ZNF528: variants seen among roughly 807,000 people sequenced by gnomAD.
ZNF528 encodes the protein zinc finger protein 528.
In ZNF528, 9 loss-of-function variants were observed where a neutral mutation model predicts 13.3. The ratio of observed to expected loss-of-function variants is 0.67; its 90% CI spans 0.41 to 1.18. The LOEUF (loss-of-function observed/expected upper bound fraction) is 1.18, where lower values mean the gene tolerates loss of function less well. Ranked by LOEUF, ZNF528 falls within the 50% of genes most tolerant of loss-of-function variation. The probability of loss-of-function intolerance (pLI) is 0.01; values close to 1 mark genes in which losing one functional copy is unlikely to be tolerated. For synonymous variants in ZNF528, 264 were observed against 254.3 expected (o/e 1.04, Z -0.36); for missense variants, 858 against 745.4 (o/e 1.15, Z -1.76).
chr19:52,402,486 T>C, intron 4 of ZNF528: 1 of 169,078 alleles, frequency 5.9e-6, no homozygotes, highest in Non-Finnish European at 1.3e-5. Flanking sequence ...CATTGCAACC[T>C]CCGCCTCCCT....
At chr19:52,403,538 TAGA>T (rs2058819591) in intron 4 of ZNF528, among the ~76,000 whole-genome samples, 1 of 151,518 alleles carries the variant, frequency 6.6e-6, no homozygotes, top group African/African-American at 2.4e-5. Flanking sequence ...CGCACATCTG[TAGA>T]CCCAGCTACT....
rs923424952 is a variant in ZNF528 at position 52,417,072 on chromosome 19, C to T, written c.*333C>T. 3.3e-5 allele frequency: 9 copies of T among 276,224 alleles called. No homozygotes were observed. The highest frequency in any genetic ancestry group is 1.9e-4 in the African/African-American group (9 of 46,266). 17.1% of individuals were successfully genotyped at this position (276,224 alleles called of 1,614,324 possible). A position where few individuals can be genotyped will look rare whatever the true frequency, so the allele number is the denominator to read the frequency against. The stretch of plus-strand genomic sequence containing the variant: ...AGTCAAAATATGTTGAATCTCATGA[C>T]CTGATGTATATCAAAGGTGCAACGG... On this transcript the variant is annotated 3_prime_UTR_variant, in exon 7 of 7. Transcript: ENST00000360465.
In ZNF528 at chr19:52,415,966, C is replaced by T. The variant is rs771171104; in HGVS notation, c.1114C>T (p.Gln372Ter). 39 of 1,613,928 alleles carry T rather than the reference C, an allele frequency of 2.4e-5. No homozygotes were observed. Among genetic ancestry groups the T allele is most frequent in the Non-Finnish European group, 3.0e-5 (35 of 1,179,996 alleles). Reference sequence around the variant, plus strand: ...AGTGCGTTCCAGCCTCATAACCCATCAGTTAATTCACACTGGAAGGAAACC... The same window carrying T: ...AGTGCGTTCCAGCCTCATAACCCATTAGTTAATTCACACTGGAAGGAAACC... ...FSVRSSLITH[Q>*]LIHTGRKPYK... is the part of the protein sequence containing the mutation. Residue 372 changes from glutamine (Q) to a stop codon, truncating the protein, a stop_gained, in exon 7 of 7, where the codon CAG (glutamine) becomes TAG (stop). Coordinates refer to ENST00000360465, the MANE Select transcript of ZNF528 (RefSeq NM_032423.3). LOFTEE classifies it low-confidence loss of function (END_TRUNC).
rs34244828 is a variant in ZNF528, at chr19:52,401,662, C to CTTTT, written c.-136-6_-136-3dup. The CTTTT allele has an allele frequency of 4.2e-4, 381 of 906,506 alleles. 1 individual carries two copies. The highest frequency in any genetic ancestry group is 1.5e-3 in the East Asian group (21 of 14,250). The allele number at this position is 906,506 out of a possible 1,614,324, so 56.2% of individuals were successfully genotyped here. Reference sequence around the variant, plus strand: ...CAGTTTATTACCACATGAAGAATTGCTTTTTTTTTTTTTTTTTTTTAGGTT... The same window carrying CTTTT: ...CAGTTTATTACCACATGAAGAATTGCTTTTTTTTTTTTTTTTTTTTTTTTAGGTT... On this transcript the variant is annotated intron_variant, in intron 2 of 6. Coordinates refer to ENST00000360465, the MANE Select transcript of ZNF528 (RefSeq NM_032423.3).
rs2058802243 is a variant in ZNF528 at position 52,402,164 on chromosome 19, C to G, written c.15+136C>G. On this transcript the variant is annotated intron_variant, in intron 4 of 6. Coordinates refer to ENST00000360465, the MANE Select transcript of ZNF528 (RefSeq NM_032423.3). ...CACTTACCCATGGCTTCTTCCAGTCCCTTCATTTCCGCTTGAGATTTCAGT... is the reference window on the plus strand; with the variant it reads ...CACTTACCCATGGCTTCTTCCAGTCGCTTCATTTCCGCTTGAGATTTCAGT... The G allele has an allele frequency of 4.0e-6, 5 of 1,248,524 alleles. No homozygotes were observed. The East Asian group carries it at 1.2e-4, about 31-fold the overall frequency. The allele number at this position is 1,248,524 out of a possible 1,614,324, so 77.3% of individuals were successfully genotyped here.
rs2058756146 is a variant in ZNF528, at chr19:52,398,631, G to C, written c.-137+12G>C. 1.0e-6 allele frequency: 1 copy of C among 984,826 alleles called. No individual in the cohort carries two copies. Among genetic ancestry groups the C allele is most frequent in the South Asian group, 4.7e-5 (1 of 21,278 alleles). The allele number at this position is 984,826 out of a possible 1,614,324, so 61.0% of individuals were successfully genotyped here. ...AGGCAAAGTAGAAGGTGAGTGAGGG[G>C]TTTGCAGAGGCACAGTGAAAGAAGG... On this transcript the variant is annotated intron_variant, in intron 2 of 6. Coordinates refer to ENST00000360465, the MANE Select transcript of ZNF528 (RefSeq NM_032423.3).
At chr19:52,403,477 A>C (rs1404847604) in intron 4 of ZNF528, among the ~76,000 whole-genome samples, 3 of 152,082 alleles carry the variant, frequency 2.0e-5, no homozygotes, top group Admixed American at 2.0e-4. Context: ...CATGACCAAC[A>C]TAGTGAAACC....
intron 4 of ZNF528, among the ~76,000 whole-genome samples, chr19:52,405,639 TCTA>T (rs753268087): frequency 3.3e-5 from 5 of 149,952 alleles, no homozygotes; most frequent in African/African-American, 4.9e-5. Flanking sequence ...ACCTAACACT[TCTA>T]TAGAGAGAGA....
intron 2 of ZNF528, among the ~76,000 whole-genome samples, chr19:52,400,581 G>A (rs1031703447): frequency 2.6e-5 from 4 of 152,052 alleles, no homozygotes; most frequent in African/African-American, 9.7e-5. Context: ...GCATGCAGTG[G>A]CACAGTCATA....
rs2058975247 is a variant in ZNF528 at position 52,414,576 on chromosome 19, A to T, written c.272-548A>T. ...GTCCCAGTAGATAATTTCAATGAGC[A>T]TGGCACCAGGGAGTGATTACCTTCA... On this transcript the variant is annotated intron_variant, in intron 6 of 6. Coordinates refer to ENST00000360465, the MANE Select transcript of ZNF528 (RefSeq NM_032423.3). 6.3e-6 allele frequency: 3 copies of T among 476,938 alleles called. No homozygotes were observed. In the Admixed American group the frequency reaches 1.1e-4, roughly 17 times the overall value. 29.5% of individuals were successfully genotyped at this position (476,938 alleles called of 1,614,324 possible). A position where few individuals can be genotyped will look rare whatever the true frequency, so the allele number is the denominator to read the frequency against.
At position 52,417,947 on chromosome 19, in the gene ZNF528, A is replaced by G. The variant is rs1487800129; in HGVS notation, c.*1208A>G. ...TTGAAATGGAATAGAGAACAGTTAT[A>G]TCACAGTTGAGAGTTTAATCAAAAT... On this transcript the variant is annotated 3_prime_UTR_variant, in exon 7 of 7. Transcript: ENST00000360465. The G allele has an allele frequency of 6.6e-6, 1 of 151,960 alleles. No individual in the cohort carries two copies. The highest frequency in any genetic ancestry group is 2.4e-5 in the African/African-American group (1 of 41,350). The allele number at this position is 151,960 out of a possible 1,614,324, so 9.4% of individuals were successfully genotyped here.
chr19:52,398,706 C>T (rs930653689), intron 2 of ZNF528, 87 bp downstream of exon 2: 2 of 730,754 alleles, frequency 2.7e-6, no homozygotes, highest in Non-Finnish European at 3.4e-6. Flanking sequence ...TATAGACAAA[C>T]CTGGGTCTGT....
intron 6 of ZNF528, chr19:52,413,935 G>T: frequency 1.1e-5 from 4 of 359,768 alleles, no homozygotes; most frequent in South Asian, 7.0e-5. Context: ...GGAAACCATG[G>T]GCCATGCATC....
chr19:52,400,556 C>T (rs1310736252), intron 2 of ZNF528, among the ~76,000 whole-genome samples: 2 of 152,118 alleles, frequency 1.3e-5, no homozygotes, highest in Non-Finnish European at 1.5e-5. Context: ...AGGTCTTGCT[C>T]TGTCACCCAA....
intron 6 of ZNF528, among the ~76,000 whole-genome samples, chr19:52,410,465 A>T (rs539164269): frequency 6.6e-6 from 1 of 152,256 alleles, no homozygotes; most frequent in South Asian, 2.1e-4. Context: ...CCAGGGAATG[A>T]TTGCCTCCAG....
intron 6 of ZNF528, among the ~76,000 whole-genome samples, chr19:52,409,958 G>T (rs186999561): frequency 1.3e-5 from 2 of 152,176 alleles, no homozygotes; most frequent in African/African-American, 2.4e-5. Flanking sequence ...CAGGTGATCC[G>T]CTCACCTTGG....
chr19:52,415,759 G>T lies in ZNF528; in HGVS notation c.907G>T (p.Asp303Tyr), dbSNP rs769488696. ...GAAGCCTTACAAATGTCATGAATGT[G>T]ACAAGGTCTTCAATCAAATTGCACA... ...GEKPYKCHEC[D>Y]KVFNQIAHLV... Residue 303 changes from aspartate to tyrosine, a missense_variant, in exon 7 of 7, where the codon GAC becomes TAC. Transcript: ENST00000360465. 6.2e-7 allele frequency: 1 copy of T among 1,614,122 alleles called. No individual in the cohort carries two copies. The highest frequency in any genetic ancestry group is 2.2e-5 in the East Asian group (1 of 44,816).
At chr19:52,406,164 T>G in intron 5 of ZNF528, 131 bp downstream of exon 5, 2 of 1,195,392 alleles carry the variant, frequency 1.7e-6, no homozygotes, top group Non-Finnish European at 1.2e-6. Context: ...ATTGAAAAAC[T>G]GTATTACACT....
In ZNF528 at chr19:52,416,899, G is replaced by A. The variant is rs2059012197; in HGVS notation, c.*160G>A. Reference sequence around the variant, plus strand: ...CTGGACATCACCACATCACTGTGGAGGATGAAAGCACACAGATGAATTGTG... The same window carrying A: ...CTGGACATCACCACATCACTGTGGAAGATGAAAGCACACAGATGAATTGTG... On this transcript the variant is annotated 3_prime_UTR_variant, in exon 7 of 7. Transcript: ENST00000360465. The A allele has an allele frequency of 1.0e-5, 7 of 690,566 alleles. No homozygotes were observed. In the Admixed American group the frequency reaches 1.5e-4, roughly 15 times the overall value. 42.8% of individuals were successfully genotyped at this position (690,566 alleles called of 1,614,324 possible).
Sources: allele counts gnomAD v4.1 joint callset (sites outside exome capture counted in the v4.1 genomes callset), GRCh38; gene constraint gnomAD v4.1.1; transcripts MANE v1.5; gene names NCBI Gene and HGNC (gene_info 2026-07-23, HGNC 2026-07-21).